Variants in TEAD1 observed in about 807,000 individuals in gnomAD.
The protein encoded by TEAD1 is transcriptional enhancer factor TEF-1.
A neutral mutation model predicts 54.9 loss-of-function variants in TEAD1; 9 were observed. That is an observed-to-expected ratio of 0.16 (90% confidence interval 0.10 to 0.29). TEAD1 has a LOEUF of 0.29. Ranked by LOEUF, TEAD1 falls within the 10% of genes least tolerant of loss-of-function variation. TEAD1 has a pLI of 1.00. For synonymous variants in TEAD1, 200 were observed against 187.8 expected (o/e 1.07, Z -0.53); for missense variants, 387 against 535.9 (o/e 0.72, Z 2.74).
chr11:12,913,479 AAAGGGATTATGCTCC>A (rs1171873690), intron 10 of TEAD1, among the ~76,000 whole-genome samples: 1 of 152,188 alleles, frequency 6.6e-6, no homozygotes, highest in African/African-American at 2.4e-5. Flanking sequence ...TTTTTACTAA[AAAGGGATTATGCTCC>A]AAGTGTTTCC....
rs1949120450 is a variant in TEAD1 at position 12,937,466 on chromosome 11, C to G, written c.*244C>G. The G allele has an allele frequency of 2.7e-6, 1 of 371,256 alleles. No homozygotes were observed. Among genetic ancestry groups the G allele is most frequent in the Non-Finnish European group, 5.0e-6 (1 of 198,802 alleles). 23.0% of individuals were successfully genotyped at this position (371,256 alleles called of 1,614,324 possible). ...TAAAAAGAGAAATTGAGTTGTTTCT[C>G]TATGTTCTTCAGATGTGCAGCCCAC... On this transcript the variant is annotated 3_prime_UTR_variant, in exon 13 of 13. Coordinates refer to ENST00000527636, the MANE Select transcript of TEAD1 (RefSeq NM_021961.6).
At chr11:12,698,513 T>G (rs990860835) in intron 2 of TEAD1, among the ~76,000 whole-genome samples, 12 of 137,860 alleles carry the variant, frequency 8.7e-5, no homozygotes, top group African/African-American at 1.7e-4. Flanking sequence ...TTAAAGAGGG[T>G]TTTTTTTTTT....
At chr11:12,748,453 G>C (rs909435473) in intron 2 of TEAD1, among the ~76,000 whole-genome samples, 1 of 152,214 alleles carries the variant, frequency 6.6e-6, no homozygotes, top group African/African-American at 2.4e-5. Flanking sequence ...GGCTGGAGGA[G>C]CAGGCTGAGA....
At chr11:12,885,658 C>G (rs1948072434) in intron 9 of TEAD1, among the ~76,000 whole-genome samples, 1 of 151,996 alleles carries the variant, frequency 6.6e-6, no homozygotes, top group Admixed American at 6.6e-5. Flanking sequence ...ATTTTTGCTT[C>G]CCTGGTTAAA....
intron 10 of TEAD1, among the ~76,000 whole-genome samples, chr11:12,907,642 C>T (rs770310108): frequency 2.6e-5 from 4 of 152,158 alleles, no homozygotes; most frequent in Admixed American, 6.5e-5. Flanking sequence ...CTGAACCTGA[C>T]GCTTAACTGG....
intron 5 of TEAD1, chr11:12,878,903 A>T: frequency 7.8e-7 from 1 of 1,287,180 alleles, no homozygotes; most frequent in Non-Finnish European, 1.0e-6. Flanking sequence ...CAAGCATGGT[A>T]AGTATTTTCA....
Position 12,783,133 on chromosome 11 carries a change from T to TGTGC in TEAD1, c.202+18700_202+18701insTGCG, listed in dbSNP as rs1198828193. ...GTGTGTGTGTGTGTGTGTGTGTGTG[T>TGTGC]GCGCGCACTTTCTTTTTAAATCACT... is the stretch of plus-strand genomic sequence containing the variant. On this transcript the variant is annotated intron_variant, in intron 3 of 12. Coordinates refer to ENST00000527636, the MANE Select transcript of TEAD1 (RefSeq NM_021961.6). Among the ~76,000 whole-genome samples the TGTGC allele has an allele frequency of 6.9e-3, 1,006 of 145,550 alleles. 5 individuals are homozygous for TGTGC. The highest frequency in any genetic ancestry group is 0.01 in the Non-Finnish European group (701 of 67,066).
intron 3 of TEAD1, among the ~76,000 whole-genome samples, chr11:12,770,535 A>G (rs1945292802): frequency 6.6e-6 from 1 of 152,212 alleles, no homozygotes; most frequent in Non-Finnish European, 1.5e-5. Flanking sequence ...TTAACATACC[A>G]GGCACTTTCC....
chr11:12,854,100 C>T (rs1322549383), intron 3 of TEAD1, among the ~76,000 whole-genome samples: 2 of 152,290 alleles, frequency 1.3e-5, no homozygotes, highest in African/African-American at 4.8e-5. Flanking sequence ...CTGGCTGTTT[C>T]TGGTGATTTT....
chr11:12,827,226 T>TTC (rs1466768959), intron 3 of TEAD1, among the ~76,000 whole-genome samples: 3 of 152,210 alleles, frequency 2.0e-5, no homozygotes, highest in Non-Finnish European at 4.4e-5. Context: ...ATATCCTGAC[T>TTC]TTACTAGTCC....
At chr11:12,885,615 TC>T (rs1221662959) in intron 9 of TEAD1, among the ~76,000 whole-genome samples, 1 of 152,162 alleles carries the variant, frequency 6.6e-6, no homozygotes, top group Admixed American at 6.5e-5. Context: ...AGGAAACAGC[TC>T]CAAGACACTG....
At chr11:12,917,379 C>G (rs1041261014) in intron 10 of TEAD1, among the ~76,000 whole-genome samples, 5 of 151,942 alleles carry the variant, frequency 3.3e-5, no homozygotes, top group African/African-American at 9.7e-5. Flanking sequence ...CTTAGCCAGC[C>G]TGGAGCTGAA....
chr11:12,700,591 C>T (rs1278521709), intron 2 of TEAD1, among the ~76,000 whole-genome samples: 1 of 152,100 alleles, frequency 6.6e-6, no homozygotes, highest in African/African-American at 2.4e-5. Flanking sequence ...CCACATTGAT[C>T]TTAGAAACTT....
chr11:12,816,366 A>G (rs1946414959), intron 3 of TEAD1, among the ~76,000 whole-genome samples: 1 of 152,202 alleles, frequency 6.6e-6, no homozygotes, highest in African/African-American at 2.4e-5. Context: ...TTGTCAGGAC[A>G]CTTGAGCCAA....
rs989576747 is a variant in TEAD1 at position 12,940,075 on chromosome 11, G to A, written c.*2853G>A. The A allele has an allele frequency of 2.6e-5, 4 of 152,240 alleles. No homozygotes were observed. Among genetic ancestry groups the A allele is most frequent in the African/African-American group, 9.7e-5 (4 of 41,440 alleles). The allele number at this position is 152,240 out of a possible 1,614,324, so 9.4% of individuals were successfully genotyped here. ...TTGTGTTGTCACTGCAGAGTTTGGA[G>A]GCCAGTTTTCCACAGCCTAAACAGG... On this transcript the variant is annotated 3_prime_UTR_variant, in exon 13 of 13. Transcript: ENST00000527636.
At chr11:12,824,410 A>G (rs1946610570) in intron 3 of TEAD1, among the ~76,000 whole-genome samples, 1 of 152,210 alleles carries the variant, frequency 6.6e-6, no homozygotes, top group Admixed American at 6.5e-5. Flanking sequence ...AGTTTCCTCC[A>G]GCAGTCAAAT....
intron 3 of TEAD1, among the ~76,000 whole-genome samples, chr11:12,788,002 G>C (rs1453917900): frequency 6.9e-6 from 1 of 144,306 alleles, no homozygotes; most frequent in Non-Finnish European, 1.5e-5. Flanking sequence ...TGCTCTTGTC[G>C]CTCAGGCTGG....
intron 2 of TEAD1, among the ~76,000 whole-genome samples, chr11:12,742,548 T>C (rs1944668298): frequency 6.6e-6 from 1 of 152,140 alleles, no homozygotes; most frequent in Non-Finnish European, 1.5e-5. Flanking sequence ...AATTATGGTA[T>C]ATTTCAAAAT....
intron 12 of TEAD1, among the ~76,000 whole-genome samples, chr11:12,936,324 G>A (rs1346898661): frequency 4.6e-5 from 7 of 152,138 alleles, no homozygotes; most frequent in African/African-American, 1.7e-4. Flanking sequence ...TGGAGGGGAA[G>A]CATGAGTATT....
Sources: allele counts gnomAD v4.1 joint callset (sites outside exome capture counted in the v4.1 genomes callset), GRCh38; gene constraint gnomAD v4.1.1; transcripts MANE v1.5; gene names NCBI Gene and HGNC (gene_info 2026-07-23, HGNC 2026-07-21).